Variants in GRM7 observed in about 807,000 individuals in gnomAD.
GRM7 encodes the protein metabotropic glutamate receptor 7.
In GRM7, 35 loss-of-function variants were observed where a neutral mutation model predicts 84.5. The ratio of observed to expected loss-of-function variants is 0.41; its 90% CI spans 0.32 to 0.55. The LOEUF (loss-of-function observed/expected upper bound fraction) is 0.55. Among genes scored for constraint, GRM7 ranks in the 20% least tolerant of loss-of-function variants. The pLI, the probability that GRM7 is intolerant of heterozygous loss-of-function variation, is 0.19. For missense variants in GRM7, 1,003 were observed against 1,194.6 expected (o/e 0.84, Z 2.36); for synonymous variants, 487 against 455.1 (o/e 1.07, Z -0.89).
chr3:7,028,678 A>G (rs537691791), intron 1 of GRM7, among the ~76,000 whole-genome samples: 58 of 152,354 alleles, frequency 3.8e-4, no homozygotes, highest in African/African-American at 1.3e-3. Flanking sequence ...TGAGTTTACT[A>G]CATAAATAAA....
At chr3:7,310,078 A>G (rs770478996) in intron 4 of GRM7, among the ~76,000 whole-genome samples, 2 of 152,160 alleles carry the variant, frequency 1.3e-5, no homozygotes, top group African/African-American at 4.8e-5. Context: ...TCAACTCTTC[A>G]TCCTCCAAAG....
intron 9 of GRM7, among the ~76,000 whole-genome samples, chr3:7,708,524 T>G (rs1701473043): frequency 6.6e-6 from 1 of 152,038 alleles, no homozygotes; most frequent in Admixed American, 6.6e-5. Context: ...GAGAGGAAGG[T>G]CATGGTCTGT....
chr3:7,097,962 T>C (rs1260970364), intron 1 of GRM7, among the ~76,000 whole-genome samples: 2 of 152,074 alleles, frequency 1.3e-5, no homozygotes, highest in African/African-American at 2.4e-5. Context: ...ATATACTATG[T>C]ATTCTCAGCT....
At chr3:7,650,281 C>T (rs1698871006) in intron 8 of GRM7, among the ~76,000 whole-genome samples, 1 of 152,154 alleles carries the variant, frequency 6.6e-6, no homozygotes, top group South Asian at 2.1e-4. Flanking sequence ...GCTTTATAGC[C>T]TTGAATGAGG....
At chr3:6,885,647 A>G (rs930775063) in intron 1 of GRM7, among the ~76,000 whole-genome samples, 1 of 152,128 alleles carries the variant, frequency 6.6e-6, no homozygotes, top group African/African-American at 2.4e-5. Context: ...GAAAAGCATT[A>G]TTTTCTTATT....
chr3:7,060,147 T>C (rs141447831), intron 1 of GRM7, among the ~76,000 whole-genome samples: 46 of 151,978 alleles, frequency 3.0e-4, no homozygotes, highest in African/African-American at 3.1e-4. Flanking sequence ...CCATTAGAAC[T>C]AATATCTTTA....
intron 1 of GRM7, among the ~76,000 whole-genome samples, chr3:7,036,692 C>T (rs965648256): frequency 3.3e-5 from 5 of 152,136 alleles, no homozygotes; most frequent in Admixed American, 2.6e-4. Flanking sequence ...CCCAGTTTAA[C>T]ATAGAAATTA....
intron 1 of GRM7, among the ~76,000 whole-genome samples, chr3:7,088,982 A>G (rs1559431835): frequency 6.6e-6 from 1 of 152,142 alleles, no homozygotes; most frequent in Non-Finnish European, 1.5e-5. Flanking sequence ...CAAGCTGAGA[A>G]GAGAAAAGCC....
At chr3:7,280,726 C>T (rs1049113425) in intron 2 of GRM7, among the ~76,000 whole-genome samples, 1 of 152,178 alleles carries the variant, frequency 6.6e-6, no homozygotes, top group African/African-American at 2.4e-5. Context: ...GCACTATACA[C>T]GCGTGATCCT....
chr3:7,630,112 T>G (rs2125095507), intron 8 of GRM7, among the ~76,000 whole-genome samples: 1 of 152,332 alleles, frequency 6.6e-6, no homozygotes, highest in African/African-American at 2.4e-5. Flanking sequence ...TACATAAGTT[T>G]GATACTCTGC....
intron 2 of GRM7, among the ~76,000 whole-genome samples, chr3:7,212,947 G>A (rs1038541154): frequency 2.0e-4 from 30 of 152,132 alleles, no homozygotes; most frequent in Non-Finnish European, 4.3e-4. Flanking sequence ...GGTGTTAATA[G>A]CATTATTGTA....
At chr3:7,656,086 G>A (rs1370230167) in intron 8 of GRM7, among the ~76,000 whole-genome samples, 2 of 152,158 alleles carry the variant, frequency 1.3e-5, no homozygotes, top group Non-Finnish European at 2.9e-5. Flanking sequence ...GCAACTTGAA[G>A]AGAGATCTTT....
chr3:7,532,178 A>C (rs1231228529), intron 7 of GRM7, among the ~76,000 whole-genome samples: 1 of 152,140 alleles, frequency 6.6e-6, no homozygotes, highest in Non-Finnish European at 1.5e-5. Context: ...TGTTTGGAAT[A>C]GTTTCAGAAG....
At chr3:6,955,217 T>G (rs1357844445) in intron 1 of GRM7, among the ~76,000 whole-genome samples, 1 of 152,174 alleles carries the variant, frequency 6.6e-6, no homozygotes, top group Non-Finnish European at 1.5e-5. Flanking sequence ...TAAAGAATAA[T>G]ACTGCATACA....
chr3:7,625,866 G>A (rs1042233726), intron 8 of GRM7, among the ~76,000 whole-genome samples: 2 of 152,126 alleles, frequency 1.3e-5, no homozygotes, highest in Non-Finnish European at 2.9e-5. Context: ...TTGTATCAAG[G>A]CATTTTGCTG....
intron 1 of GRM7, among the ~76,000 whole-genome samples, chr3:6,890,790 T>C (rs1695903873): frequency 6.6e-6 from 1 of 152,152 alleles, no homozygotes; most frequent in African/African-American, 2.4e-5. Context: ...GTATCCTTGT[T>C]AAATTTCTGT....
intron 1 of GRM7, among the ~76,000 whole-genome samples, chr3:6,971,597 T>C (rs936493130): frequency 3.0e-4 from 45 of 152,340 alleles, no homozygotes; most frequent in African/African-American, 1.0e-3. Flanking sequence ...GAGTGTAATA[T>C]AGCATCATGC....
At chr3:7,513,651 G>A in intron 7 of GRM7, among the ~76,000 whole-genome samples, 1 of 151,802 alleles carries the variant, frequency 6.6e-6, no homozygotes, top group Non-Finnish European at 1.5e-5. Flanking sequence ...TGAGGTGATG[G>A]GTATTCTAAC....
intron 2 of GRM7, among the ~76,000 whole-genome samples, chr3:7,208,138 T>A (rs1696299392): frequency 6.6e-6 from 1 of 152,206 alleles, no homozygotes; most frequent in Non-Finnish European, 1.5e-5. Context: ...AGGATAAACA[T>A]TTCAGCCACC....
Sources: gnomAD v4.1 joint callset for allele counts (sites outside exome capture counted in the v4.1 genomes callset) on GRCh38, gnomAD v4.1.1 for gene constraint, MANE v1.5 for transcripts, NCBI Gene and HGNC (gene_info 2026-07-23, HGNC 2026-07-21) for gene names.